The following CDK17 variants were observed in gnomAD, a reference collection of about 807,000 sequenced individuals.
CDK17 encodes the protein cyclin-dependent kinase 17.
A neutral mutation model predicts 77.6 loss-of-function variants in CDK17; 24 were observed. The ratio of observed to expected loss-of-function variants is 0.31; its 90% CI spans 0.22 to 0.44. The LOEUF (loss-of-function observed/expected upper bound fraction) is 0.44. Ranked by LOEUF, CDK17 falls within the 20% of genes least tolerant of loss-of-function variation. The pLI is 1.00. For missense variants in CDK17, 429 were observed against 622.5 expected, an observed-to-expected ratio of 0.69 and a Z score of 3.31; for synonymous variants, 203 against 210.4, an observed-to-expected ratio of 0.96 and a Z score of 0.30.
At chr12:96,347,808 A>G (rs753852743) in intron 1 of CDK17, among the ~76,000 whole-genome samples, 18 of 152,184 alleles carry the variant, frequency 1.2e-4, no homozygotes, top group Non-Finnish European at 2.6e-4. Context: ...GCCATAAAAC[A>G]AGTCTTAATA....
intron 3 of CDK17, among the ~76,000 whole-genome samples, chr12:96,315,691 T>C (rs913117759): frequency 3.3e-5 from 5 of 152,142 alleles, no homozygotes; most frequent in African/African-American, 1.2e-4. Flanking sequence ...CAAGAATGTA[T>C]TGGTAATACC....
At chr12:96,283,912 G>C (rs185914433) in intron 13 of CDK17, among the ~76,000 whole-genome samples, 85 of 152,266 alleles carry the variant, frequency 5.6e-4, no homozygotes, top group African/African-American at 2.0e-3. Flanking sequence ...TCACCATGCT[G>C]TCTCAAAACA....
intron 5 of CDK17, among the ~76,000 whole-genome samples, chr12:96,307,878 GACAC>G (rs71097278): frequency 1.3e-5 from 2 of 151,040 alleles, no homozygotes; most frequent in Non-Finnish European, 3.0e-5. Context: ...CACACACACA[GACAC>G]ACACACACAC....
chr12:96,358,370 T>TAAAAA (rs35899533), intron 1 of CDK17, among the ~76,000 whole-genome samples: 2 of 35,182 alleles, frequency 5.7e-5, no homozygotes, highest in African/African-American at 1.2e-4. Context: ...TGCAAACTTG[T>TAAAAA]AAAAAAAAAA....
At chr12:96,332,284 C>T (rs1952983915) in intron 2 of CDK17, among the ~76,000 whole-genome samples, 1 of 152,202 alleles carries the variant, frequency 6.6e-6, no homozygotes, top group African/African-American at 2.4e-5. Flanking sequence ...TCTCAGAATG[C>T]ATCCCCACTG....
chr12:96,322,443 A>C (rs1247833559), intron 3 of CDK17, among the ~76,000 whole-genome samples: 1 of 151,962 alleles, frequency 6.6e-6, no homozygotes, highest in African/African-American at 2.4e-5. Context: ...TATGCAATGG[A>C]GACTGTATGC....
intron 1 of CDK17, among the ~76,000 whole-genome samples, chr12:96,342,616 A>G (rs951452473): frequency 3.9e-5 from 6 of 152,194 alleles, no homozygotes; most frequent in East Asian, 1.9e-4. Context: ...ACACTGACAG[A>G]GCACTGAATT....
chr12:96,319,189 G>A (rs1952778366), intron 3 of CDK17, among the ~76,000 whole-genome samples: 1 of 151,750 alleles, frequency 6.6e-6, no homozygotes, highest in Admixed American at 6.6e-5. Flanking sequence ...AAATAAACTA[G>A]AAAATCTAGA....
intron 1 of CDK17, among the ~76,000 whole-genome samples, chr12:96,350,234 G>A (rs913479480): frequency 1.2e-4 from 18 of 151,830 alleles, no homozygotes; most frequent in African/African-American, 4.4e-4. Context: ...AAATTTCAAT[G>A]GTGCTCTTTT....
At chr12:96,294,251 G>A (rs1195653825) in intron 10 of CDK17, among the ~76,000 whole-genome samples, 1 of 152,120 alleles carries the variant, frequency 6.6e-6, no homozygotes, top group African/African-American at 2.4e-5. Context: ...GCTTCATCAT[G>A]TAAGTGTAAC....
chr12:96,376,022 T>C (rs1185160913), intron 1 of CDK17, among the ~76,000 whole-genome samples: 2 of 152,230 alleles, frequency 1.3e-5, no homozygotes, highest in Non-Finnish European at 2.9e-5. Context: ...AAGTTTCTTG[T>C]GGTTCTAAAT....
chr12:96,379,173 C>A (rs926656996), intron 1 of CDK17, among the ~76,000 whole-genome samples: 1 of 152,044 alleles, frequency 6.6e-6, no homozygotes, highest in Non-Finnish European at 1.5e-5. Flanking sequence ...TATTTCAAGT[C>A]AAACTCAGTT....
rs71097274 is a variant in CDK17, at chr12:96,294,611, A to AAAAAAAAAAAAAAAT, written c.997+387_997+388insATTTTTTTTTTTTTT. On this transcript the variant is annotated intron_variant, in intron 10 of 16. Coordinates refer to ENST00000261211, the MANE Select transcript of CDK17 (RefSeq NM_002595.5). ...AAAAAAAAAAAAAAAAAAAAAAAAA[A>AAAAAAAAAAAAAAAT]GATATATTTTGGTGCCACTACTTTG... Among the ~76,000 whole-genome samples, 174 of 121,292 alleles carry AAAAAAAAAAAAAAAT rather than the reference A, an allele frequency of 1.4e-3. 13 individuals are homozygous for AAAAAAAAAAAAAAAT. Among genetic ancestry groups the AAAAAAAAAAAAAAAT allele is most frequent in the East Asian group, 2.0e-3 (8 of 3,938 alleles). The allele number at this position is 121,292 out of a possible 152,430, so 79.6% of individuals were successfully genotyped here.
chr12:96,353,605 C>CGGGG (rs11369777), intron 1 of CDK17, among the ~76,000 whole-genome samples: 39 of 140,920 alleles, frequency 2.8e-4, no homozygotes, highest in Non-Finnish European at 4.6e-4. Flanking sequence ...TAAAAGGTGG[C>CGGGG]GGGGGGGGGC....
chr12:96,315,218 C>T (rs999432749), intron 3 of CDK17, among the ~76,000 whole-genome samples: 2 of 152,076 alleles, frequency 1.3e-5, no homozygotes, highest in African/African-American at 4.8e-5. Context: ...CATATAAAAT[C>T]ATGAGGACTG....
chr12:96,331,242 T>C lies in CDK17; in HGVS notation c.118+3477A>G, dbSNP rs148870322. ...TACAGGCATAAGCCTGGTACCATGC[T>C]TGGCCTTGACAGGTTTTTAAAAACT... On this transcript the variant is annotated intron_variant, in intron 2 of 16. Coordinates refer to ENST00000261211, the MANE Select transcript of CDK17 (RefSeq NM_002595.5). Among the ~76,000 whole-genome samples, 338 of 152,312 alleles carry C rather than the reference T, an allele frequency of 2.2e-3. 2 individuals carry two copies. The South Asian group carries it at 0.032, about 15-fold the overall frequency.
chr12:96,317,780 A>C (rs1222516493), intron 3 of CDK17, among the ~76,000 whole-genome samples: 13 of 149,502 alleles, frequency 8.7e-5, no homozygotes, highest in East Asian at 7.9e-4. Flanking sequence ...GCCTGCCCTA[A>C]AAGAGCTCCT....
At chr12:96,373,544 G>A (rs369625031) in intron 1 of CDK17, among the ~76,000 whole-genome samples, 2 of 151,786 alleles carry the variant, frequency 1.3e-5, no homozygotes, top group African/African-American at 2.4e-5. Flanking sequence ...GCAGTGAGCC[G>A]AGATTGCGCC....
At chr12:96,353,932 T>C (rs10860021) in intron 1 of CDK17, among the ~76,000 whole-genome samples, 65,708 of 151,948 alleles carry the variant, frequency 0.43, 15,261 homozygotes, top group African/African-American at 0.59. Context: ...ATGTTTAAAG[T>C]GTGAGTCTGA....
Sources: gnomAD v4.1 joint callset for allele counts (sites outside exome capture counted in the v4.1 genomes callset) on GRCh38, gnomAD v4.1.1 for gene constraint, MANE v1.5 for transcripts, NCBI Gene and HGNC (gene_info 2026-07-23, HGNC 2026-07-21) for gene names.